Variants in RBFOX1 observed in about 807,000 individuals in gnomAD.
RBFOX1 encodes the protein RNA binding protein fox-1 homolog 1.
RBFOX1 carries 8 observed loss-of-function variants against 57.7 expected under a neutral mutation model. The ratio of observed to expected loss-of-function variants is 0.14; its 90% CI spans 0.08 to 0.25. The LOEUF is 0.25. Among genes scored for constraint, RBFOX1 ranks in the 10% least tolerant of loss-of-function variants. The probability of loss-of-function intolerance (pLI) is 1.00; values close to 1 mark genes in which losing one functional copy is unlikely to be tolerated. For missense variants in RBFOX1, 611 were observed against 548.5 expected (o/e 1.11, Z -1.14); for synonymous variants, 326 against 222.4 (o/e 1.47, Z -4.15).
chr16:5,665,546 C>G (rs2151400735), intron 3 of RBFOX1, among the ~76,000 whole-genome samples: 1 of 152,280 alleles, frequency 6.6e-6, no homozygotes, highest in Non-Finnish European at 1.5e-5. Context: ...TTGCTGTTTC[C>G]CTGACCAGCT....
intron 4 of RBFOX1, among the ~76,000 whole-genome samples, chr16:7,106,097 C>T (rs1049951358): frequency 6.6e-6 from 1 of 152,150 alleles, no homozygotes; most frequent in African/African-American, 2.4e-5. Context: ...TCTTGAATTC[C>T]TCCTTGTCCT....
At chr16:6,810,856 C>G (rs1328010705) in intron 3 of RBFOX1, among the ~76,000 whole-genome samples, 2 of 152,148 alleles carry the variant, frequency 1.3e-5, no homozygotes, top group African/African-American at 4.8e-5. Flanking sequence ...GATCCAATCA[C>G]AAGCCTCCCT....
chr16:6,871,740 C>T (rs1189849928), intron 3 of RBFOX1, among the ~76,000 whole-genome samples: 2 of 152,080 alleles, frequency 1.3e-5, no homozygotes, highest in South Asian at 2.1e-4. Context: ...GTTACATGAT[C>T]GCCATCATTC....
chr16:5,335,036 A>T (rs2064860167), intron 1 of RBFOX1, among the ~76,000 whole-genome samples: 2 of 152,074 alleles, frequency 1.3e-5, no homozygotes, highest in African/African-American at 4.8e-5. Context: ...AACATCACCA[A>T]AGTGATTCCA....
At chr16:5,812,489 C>T (rs2055469881) in intron 3 of RBFOX1, among the ~76,000 whole-genome samples, 1 of 145,626 alleles carries the variant, frequency 6.9e-6, no homozygotes, top group Admixed American at 6.9e-5. Context: ...GTTGGGGTCT[C>T]ACTCTATCAC....
intron 4 of RBFOX1, among the ~76,000 whole-genome samples, chr16:7,157,020 G>A (rs1448944732): frequency 1.3e-5 from 2 of 152,148 alleles, no homozygotes; most frequent in African/African-American, 2.4e-5. Context: ...ATTGTGAAAG[G>A]CTGAAGGAAA....
At chr16:5,832,676 T>TAATCCA (rs2056320269) in intron 3 of RBFOX1, among the ~76,000 whole-genome samples, 1 of 152,184 alleles carries the variant, frequency 6.6e-6, no homozygotes, top group South Asian at 2.1e-4. Flanking sequence ...TCAATTAGCC[T>TAATCCA]AATCCATAAA....
chr16:5,859,154 G>A (rs368665596), intron 3 of RBFOX1, among the ~76,000 whole-genome samples: 9 of 152,250 alleles, frequency 5.9e-5, no homozygotes, highest in East Asian at 3.9e-4. Flanking sequence ...ACAGTGAGCC[G>A]AGATCACGCC....
intron 4 of RBFOX1, among the ~76,000 whole-genome samples, chr16:5,884,696 A>G (rs949879012): frequency 3.9e-5 from 6 of 152,034 alleles, no homozygotes; most frequent in African/African-American, 1.4e-4. Context: ...TTCTTAATGT[A>G]CTTTTGCCAC....
At chr16:5,851,927 C>G (rs769603494) in intron 3 of RBFOX1, among the ~76,000 whole-genome samples, 13 of 152,128 alleles carry the variant, frequency 8.5e-5, no homozygotes, top group Non-Finnish European at 1.9e-4. Flanking sequence ...GAGGCTCCAT[C>G]ATTAGAGGCA....
At chr16:5,309,493 C>G (rs1385390241) in intron 1 of RBFOX1, among the ~76,000 whole-genome samples, 2 of 152,144 alleles carry the variant, frequency 1.3e-5, no homozygotes, top group African/African-American at 4.8e-5. Context: ...GTCTAAACCT[C>G]CTAATTTTTT....
intron 3 of RBFOX1, among the ~76,000 whole-genome samples, chr16:5,723,077 C>G (rs541889803): frequency 6.6e-6 from 1 of 152,332 alleles, no homozygotes; most frequent in South Asian, 2.1e-4. Context: ...CAGCCTAATT[C>G]ACAAGTGATG....
chr16:7,314,311 G>A (rs1237243140), intron 4 of RBFOX1, among the ~76,000 whole-genome samples: 1 of 152,246 alleles, frequency 6.6e-6, no homozygotes, highest in African/African-American at 2.4e-5. Context: ...GTTCACTTGC[G>A]GGGCCTGGTC....
Position 7,544,577 on chromosome 16 carries a change from C to T in RBFOX1, c.270+26188C>T, listed in dbSNP as rs1027239493. On this transcript the variant is annotated intron_variant, in intron 5 of 15. Coordinates refer to ENST00000550418, the MANE Select transcript of RBFOX1 (RefSeq NM_018723.4). ...CTAATACCAGGGACACCAAGGATTG[C>T]CAGGAGCTACCAGGATCTAGGAAAG... Among the ~76,000 whole-genome samples, 8 of 152,058 alleles carry T rather than the reference C, an allele frequency of 5.3e-5. No homozygotes were observed. The East Asian group carries it at 7.7e-4, about 15-fold the overall frequency.
At chr16:5,530,208 A>C (rs1392676552) in intron 2 of RBFOX1, among the ~76,000 whole-genome samples, 1 of 152,176 alleles carries the variant, frequency 6.6e-6, no homozygotes, top group Admixed American at 6.5e-5. Flanking sequence ...CAGCAGTCCG[A>C]GGTACAGCAA....
intron 4 of RBFOX1, among the ~76,000 whole-genome samples, chr16:7,406,812 C>T (rs536476532): frequency 5.3e-5 from 8 of 152,312 alleles, no homozygotes; most frequent in African/African-American, 1.9e-4. Flanking sequence ...GAGGCTTCTG[C>T]AGGGCTGTTT....
chr16:5,870,045 AATATT>A (rs1378623251), intron 4 of RBFOX1, among the ~76,000 whole-genome samples: 1 of 151,852 alleles, frequency 6.6e-6, no homozygotes, highest in Non-Finnish European at 1.5e-5. Context: ...TTAGTAATAT[AATATT>A]ATAAGAAAAA....
chr16:7,310,747 C>A (rs1174470035), intron 4 of RBFOX1, among the ~76,000 whole-genome samples: 1 of 152,206 alleles, frequency 6.6e-6, no homozygotes, highest in African/African-American at 2.4e-5. Context: ...ACTTTCCCAG[C>A]ATACGTGGAA....
intron 3 of RBFOX1, among the ~76,000 whole-genome samples, chr16:6,799,805 G>T (rs976575647): frequency 1.3e-5 from 2 of 151,984 alleles, no homozygotes; most frequent in African/African-American, 4.8e-5. Flanking sequence ...GTTTGCTAGA[G>T]GCTCTTGGGA....
Sources: gnomAD v4.1 joint callset for allele counts (sites outside exome capture counted in the v4.1 genomes callset) on GRCh38, gnomAD v4.1.1 for gene constraint, MANE v1.5 for transcripts, NCBI Gene and HGNC (gene_info 2026-07-23, HGNC 2026-07-21) for gene names.